Variants in ADAMTSL3 observed in about 807,000 individuals in gnomAD.
ADAMTSL3 encodes ADAMTS like 3.
ADAMTSL3 carries 128 observed loss-of-function variants against 201.7 expected under a neutral mutation model. The observed-to-expected ratio is 0.63, with a 90% CI of 0.55 to 0.73. The LOEUF (loss-of-function observed/expected upper bound fraction) is 0.73, where lower values mean the gene tolerates loss of function less well. ADAMTSL3 is among the 30% of genes least tolerant of loss of function. ADAMTSL3 has a pLI of 0.00. For synonymous variants in ADAMTSL3, 738 were observed against 748.4 expected (o/e 0.99, Z 0.23); for missense variants, 1,990 against 2,119.6 (o/e 0.94, Z 1.20).
intron 17 of ADAMTSL3, among the ~76,000 whole-genome samples, chr15:83,929,511 T>G (rs1211808401): frequency 6.6e-6 from 1 of 152,134 alleles, no homozygotes; most frequent in African/African-American, 2.4e-5. Context: ...TCTAATGACC[T>G]CCTCTTGATC....
intron 9 of ADAMTSL3, among the ~76,000 whole-genome samples, chr15:83,876,016 G>A (rs187648534): frequency 4.0e-5 from 6 of 150,368 alleles, no homozygotes; most frequent in South Asian, 2.1e-4. Context: ...TTTTCTTTTC[G>A]GTGGTAATGG....
chr15:83,835,454 A>G (rs2064249639), intron 6 of ADAMTSL3, among the ~76,000 whole-genome samples: 1 of 152,172 alleles, frequency 6.6e-6, no homozygotes, highest in African/African-American at 2.4e-5. Flanking sequence ...TGAAGCAAAT[A>G]TCAGTGCTCA....
At chr15:83,774,523 T>C (rs923210604) in intron 4 of ADAMTSL3, among the ~76,000 whole-genome samples, 3 of 152,186 alleles carry the variant, frequency 2.0e-5, no homozygotes, top group Non-Finnish European at 4.4e-5. Context: ...CATGTGGCCT[T>C]TGAGAAGAAA....
intron 2 of ADAMTSL3, among the ~76,000 whole-genome samples, chr15:83,670,278 AAAAAAG>A: frequency 6.6e-6 from 1 of 151,276 alleles, no homozygotes; most frequent in Non-Finnish European, 1.5e-5. Flanking sequence ...AAAAAAAAAA[AAAAAAG>A]AACAGAAAAA....
intron 25 of ADAMTSL3, among the ~76,000 whole-genome samples, chr15:84,019,796 G>A (rs748296600): frequency 2.0e-5 from 3 of 151,136 alleles, no homozygotes; most frequent in Non-Finnish European, 4.4e-5. Flanking sequence ...GGAGGCTGAG[G>A]CAGGAGAATC....
intron 5 of ADAMTSL3, among the ~76,000 whole-genome samples, chr15:83,810,359 A>G (rs542887804): frequency 2.3e-4 from 35 of 152,356 alleles, no homozygotes; most frequent in African/African-American, 8.4e-4. Flanking sequence ...GACTGAACAC[A>G]AAGGCAAGTA....
chr15:83,810,823 C>T (rs2063683313), intron 5 of ADAMTSL3, among the ~76,000 whole-genome samples: 1 of 152,212 alleles, frequency 6.6e-6, no homozygotes, highest in South Asian at 2.1e-4. Flanking sequence ...ACTGAAACCT[C>T]TGCCTCCCGG....
chr15:83,687,669 G>T (rs996902013), intron 2 of ADAMTSL3, among the ~76,000 whole-genome samples: 3 of 152,082 alleles, frequency 2.0e-5, no homozygotes, highest in African/African-American at 7.2e-5. Flanking sequence ...AGCTACATAT[G>T]ATTTCAAAAT....
At chr15:83,685,113 T>C (rs1345268046) in intron 2 of ADAMTSL3, among the ~76,000 whole-genome samples, 1 of 152,216 alleles carries the variant, frequency 6.6e-6, no homozygotes, top group South Asian at 2.1e-4. Flanking sequence ...CATCTTTTCA[T>C]GTTTACTGGC....
chr15:83,870,493 C>G (rs1439989099), intron 8 of ADAMTSL3, among the ~76,000 whole-genome samples: 5 of 152,144 alleles, frequency 3.3e-5, no homozygotes, highest in African/African-American at 9.7e-5. Context: ...CATAGCTTTA[C>G]TTTGAGTATT....
At chr15:83,693,003 G>A (rs1319430713) in intron 2 of ADAMTSL3, among the ~76,000 whole-genome samples, 1 of 152,154 alleles carries the variant, frequency 6.6e-6, no homozygotes, top group Non-Finnish European at 1.5e-5. Context: ...ACGTGTTTCT[G>A]GACTTTGTCA....
At chr15:83,920,406 T>C (rs2066117320) in intron 16 of ADAMTSL3, among the ~76,000 whole-genome samples, 1 of 152,222 alleles carries the variant, frequency 6.6e-6, no homozygotes, top group African/African-American at 2.4e-5. Context: ...CCTTAATCTT[T>C]AGCAGCTGTC....
chr15:83,939,409 T>G (rs1309955944), intron 17 of ADAMTSL3, among the ~76,000 whole-genome samples: 2 of 152,136 alleles, frequency 1.3e-5, no homozygotes, highest in African/African-American at 4.8e-5. Flanking sequence ...TCTCTTCACT[T>G]GTGTGTTAGT....
At chr15:83,679,632 A>G (rs1216493913) in intron 2 of ADAMTSL3, among the ~76,000 whole-genome samples, 1 of 152,062 alleles carries the variant, frequency 6.6e-6, no homozygotes, top group Admixed American at 6.6e-5. Context: ...TCAGTTCTCA[A>G]ACCTTTTGTA....
chr15:83,968,463 T>C (rs1355029552), intron 19 of ADAMTSL3, among the ~76,000 whole-genome samples: 1 of 152,196 alleles, frequency 6.6e-6, no homozygotes, highest in African/African-American at 2.4e-5. Flanking sequence ...CACAATGAGA[T>C]ACCATCTCAC....
At chr15:83,987,255 G>A (rs1050685923) in intron 21 of ADAMTSL3, among the ~76,000 whole-genome samples, 22 of 152,130 alleles carry the variant, frequency 1.4e-4, no homozygotes, top group African/African-American at 4.8e-4. Flanking sequence ...AGACACTTTC[G>A]CTGTTTTGAC....
chr15:83,666,388 A>G (rs2061248213), intron 2 of ADAMTSL3, among the ~76,000 whole-genome samples: 1 of 152,202 alleles, frequency 6.6e-6, no homozygotes, highest in Admixed American at 6.5e-5. Context: ...TATATACTAC[A>G]GATTGTCTTT....
intron 23 of ADAMTSL3, among the ~76,000 whole-genome samples, chr15:83,994,762 A>AT (rs58549986): frequency 0.046 from 5,123 of 112,362 alleles, 155 homozygotes; most frequent in South Asian, 0.15. Context: ...ATGCCTGGCT[A>AT]TTTTTTTTTT....
chr15:83,749,803 C>G (rs1343632545), intron 3 of ADAMTSL3, among the ~76,000 whole-genome samples: 3 of 152,130 alleles, frequency 2.0e-5, no homozygotes, highest in Admixed American at 6.5e-5. Context: ...GAAAAGAGTC[C>G]TGGGTTGCAA....
Sources: allele counts gnomAD v4.1 joint callset (sites outside exome capture counted in the v4.1 genomes callset), GRCh38; gene constraint gnomAD v4.1.1; transcripts MANE v1.5; gene names NCBI Gene and HGNC (gene_info 2026-07-23, HGNC 2026-07-21).